SLC9A9: variants seen among roughly 807,000 people sequenced by gnomAD.
The protein encoded by SLC9A9 is solute carrier family 9 member A9, also known as sodium/hydrogen exchanger 9.
Under a neutral mutation model 77.8 loss-of-function variants are expected in SLC9A9, and 62 were observed. That is an observed-to-expected ratio of 0.80 (90% CI 0.65 to 0.98). The LOEUF is 0.98. SLC9A9 is among the 50% of genes least tolerant of loss of function. The probability of loss-of-function intolerance (pLI) is 0.00; values close to 1 mark genes in which losing one functional copy is unlikely to be tolerated. For synonymous variants in SLC9A9, 320 were observed against 283.5 expected (o/e 1.13, Z -1.29); for missense variants, 775 against 774.9 (o/e 1.00, Z 0.00).
At chr3:143,824,429 G>T (rs1285109326) in intron 2 of SLC9A9, among the ~76,000 whole-genome samples, 1 of 152,100 alleles carries the variant, frequency 6.6e-6, no homozygotes, top group African/African-American at 2.4e-5. Flanking sequence ...ACTTCATTAG[G>T]ACTCAGCTCC....
chr3:143,543,645 G>T (rs2036730427), intron 9 of SLC9A9, among the ~76,000 whole-genome samples: 2 of 152,090 alleles, frequency 1.3e-5, no homozygotes, highest in African/African-American at 2.4e-5. Context: ...TGTGGTATTT[G>T]GTTTTCTGTT....
At chr3:143,478,007 C>G (rs373354039) in intron 11 of SLC9A9, among the ~76,000 whole-genome samples, 2 of 152,322 alleles carry the variant, frequency 1.3e-5, no homozygotes, top group African/African-American at 4.8e-5. Flanking sequence ...AGCTCTGCCC[C>G]TTTCTCCAGC....
At chr3:143,631,015 G>A (rs192937675) in intron 6 of SLC9A9, among the ~76,000 whole-genome samples, 5 of 152,048 alleles carry the variant, frequency 3.3e-5, no homozygotes, top group Admixed American at 3.3e-4. Context: ...GCCTGCAATC[G>A]GTCCCATGAT....
intron 4 of SLC9A9, among the ~76,000 whole-genome samples, chr3:143,737,471 G>A (rs1934967380): frequency 6.8e-6 from 1 of 147,342 alleles, no homozygotes; most frequent in African/African-American, 2.6e-5. Context: ...CATGTAATGA[G>A]AGTTAAAAAA....
intron 6 of SLC9A9, among the ~76,000 whole-genome samples, chr3:143,615,681 G>A (rs75597724): frequency 1.6e-4 from 24 of 152,230 alleles, no homozygotes; most frequent in Admixed American, 5.9e-4. Flanking sequence ...AGTATCATTT[G>A]ATGCGTTTTG....
At chr3:143,266,982 T>C (rs1937744235) in intron 15 of SLC9A9, 53 bp from the exon 16 acceptor site, 2 of 1,560,022 alleles carry the variant, frequency 1.3e-6, no homozygotes, top group Non-Finnish European at 1.8e-6. Context: ...CAGAAAACAA[T>C]AGCAGTCCTA....
At chr3:143,697,594 A>G (rs1290865090) in intron 4 of SLC9A9, among the ~76,000 whole-genome samples, 1 of 152,154 alleles carries the variant, frequency 6.6e-6, no homozygotes. Flanking sequence ...GACAAACCAG[A>G]GTTTGAATCC....
chr3:143,676,521 G>A (rs1314548325), intron 5 of SLC9A9, among the ~76,000 whole-genome samples: 2 of 152,134 alleles, frequency 1.3e-5, no homozygotes, highest in South Asian at 2.1e-4. Context: ...GGCGGATCAT[G>A]AGGTCAGGAG....
At chr3:143,617,699 C>G (rs890360139) in intron 6 of SLC9A9, among the ~76,000 whole-genome samples, 1 of 152,162 alleles carries the variant, frequency 6.6e-6, no homozygotes, top group Non-Finnish European at 1.5e-5. Flanking sequence ...GGAATGGGCT[C>G]TCCATTTTCC....
intron 8 of SLC9A9, among the ~76,000 whole-genome samples, chr3:143,562,210 C>T (rs1485855168): frequency 6.6e-6 from 1 of 152,164 alleles, no homozygotes. Context: ...TATACAAAGA[C>T]ATCTAAAACT....
intron 2 of SLC9A9, among the ~76,000 whole-genome samples, chr3:143,814,753 G>T (rs1324735001): frequency 6.6e-6 from 1 of 152,120 alleles, no homozygotes; most frequent in African/African-American, 2.4e-5. Flanking sequence ...GGGAGGAGCC[G>T]ACTCTACCTT....
chr3:143,746,580 G>T (rs1172987465), intron 4 of SLC9A9, among the ~76,000 whole-genome samples: 1 of 152,110 alleles, frequency 6.6e-6, no homozygotes, highest in Non-Finnish European at 1.5e-5. Flanking sequence ...TTAGAGTTTA[G>T]TTGAAAAGAT....
In SLC9A9 at chr3:143,764,607, C is replaced by T. The variant is rs2007241189; in HGVS notation, c.533+30394G>A. ...TTTGAGGCAGGGTCTTGCTCTGTTG[C>T]CCAGGCTACAGTGCAGTGGTGTGAT... On this transcript the variant is annotated intron_variant, in intron 4 of 15. Transcript: ENST00000316549. 2.0e-5 allele frequency among the ~76,000 whole-genome samples: 3 copies of T among 152,246 alleles called. No homozygotes were observed. In the South Asian group the frequency reaches 6.2e-4, roughly 32 times the overall value.
chr3:143,508,688 C>T (rs956524576), intron 9 of SLC9A9, among the ~76,000 whole-genome samples: 1 of 152,152 alleles, frequency 6.6e-6, no homozygotes, highest in Non-Finnish European at 1.5e-5. Flanking sequence ...CACATTTCCC[C>T]CATCTCCAAT....
At chr3:143,535,062 C>T (rs1576559965) in intron 9 of SLC9A9, among the ~76,000 whole-genome samples, 1 of 152,172 alleles carries the variant, frequency 6.6e-6, no homozygotes, top group East Asian at 1.9e-4. Context: ...TTTGGGTGGA[C>T]AACAGAAATT....
intron 8 of SLC9A9, 29 bp downstream of exon 8, chr3:143,574,059 C>A: frequency 6.3e-7 from 1 of 1,587,210 alleles, no homozygotes; most frequent in South Asian, 1.1e-5. Flanking sequence ...TTCACACATC[C>A]AGTTGGCTGT....
intron 10 of SLC9A9, among the ~76,000 whole-genome samples, chr3:143,494,789 G>A (rs577135836): frequency 5.3e-4 from 80 of 152,348 alleles, no homozygotes; most frequent in Admixed American, 1.0e-3. Flanking sequence ...CATAGGAAAG[G>A]AAGGGTGCTA....
chr3:143,744,797 A>G (rs1268261481), intron 4 of SLC9A9, among the ~76,000 whole-genome samples: 3 of 152,186 alleles, frequency 2.0e-5, no homozygotes, highest in Admixed American at 2.0e-4. Context: ...CAGAGGAAAG[A>G]GGTATGAGCC....
At chr3:143,827,681 G>T (rs1248870913) in intron 2 of SLC9A9, among the ~76,000 whole-genome samples, 1 of 152,110 alleles carries the variant, frequency 6.6e-6, no homozygotes, top group Non-Finnish European at 1.5e-5. Context: ...TCTTCTAAGA[G>T]GCCATTACAT....
Sources: gnomAD v4.1 joint callset for allele counts (sites outside exome capture counted in the v4.1 genomes callset) on GRCh38, gnomAD v4.1.1 for gene constraint, MANE v1.5 for transcripts, NCBI Gene and HGNC (gene_info 2026-07-23, HGNC 2026-07-21) for gene names.